The following ABTB2 variants were observed in gnomAD, a reference collection of about 807,000 sequenced individuals.
ABTB2 encodes ankyrin repeat and BTB/POZ domain-containing protein 2.
Under a neutral mutation model 104.1 loss-of-function variants are expected in ABTB2, and 56 were observed. That is an observed-to-expected ratio of 0.54 (90% CI 0.43 to 0.67). The LOEUF is 0.67. ABTB2 is among the 30% of genes least tolerant of loss of function. The pLI, the probability that ABTB2 is intolerant of heterozygous loss-of-function variation, is 0.00. For missense variants in ABTB2, 1,279 were observed against 1,407.7 expected (o/e 0.91, Z 1.46); for synonymous variants, 606 against 608.2 (o/e 1.00, Z 0.05).
rs371663376 is a variant in ABTB2, at chr11:34,160,037, T to C, written c.2504-29A>G. ...TGAAAAGCGGGGAGACAGAGGGATA[T>C]GGCTGAGGAGTCCCCTGCTGGGGTT... On this transcript the variant is annotated intron_variant, in intron 12 of 16. Coordinates refer to ENST00000435224, the MANE Select transcript of ABTB2 (RefSeq NM_145804.3). 352 of 1,575,020 alleles carry C rather than the reference T, an allele frequency of 2.2e-4. 2 individuals carry two copies. The African/African-American group carries it at 3.9e-3, about 17-fold the overall frequency.
chr11:34,185,186 C>T (rs1853081549), intron 3 of ABTB2, among the ~76,000 whole-genome samples: 1 of 152,198 alleles, frequency 6.6e-6, no homozygotes, highest in African/African-American at 2.4e-5. Flanking sequence ...TGAAGAGTTT[C>T]TAGAAACTTC....
At chr11:34,179,348 G>A (rs1326853138) in intron 3 of ABTB2, among the ~76,000 whole-genome samples, 1 of 152,162 alleles carries the variant, frequency 6.6e-6, no homozygotes, top group Non-Finnish European at 1.5e-5. Flanking sequence ...GTGGACTCCT[G>A]GCAAGAGTCC....
intron 2 of ABTB2, among the ~76,000 whole-genome samples, chr11:34,202,324 C>A (rs114079836): frequency 0.026 from 3,925 of 152,186 alleles, 166 homozygotes; most frequent in African/African-American, 0.089. Flanking sequence ...AGAGGGAAAG[C>A]CAGTGTGAAG....
intron 3 of ABTB2, among the ~76,000 whole-genome samples, chr11:34,173,693 C>G (rs1392028951): frequency 6.6e-6 from 1 of 152,118 alleles, no homozygotes; most frequent in Non-Finnish European, 1.5e-5. Context: ...AATTGGGGAC[C>G]TTTCCCCCTC....
rs67998044 is a variant in ABTB2 at position 34,232,449 on chromosome 11, C to CAAAAAAAA, written c.884-27767_884-27760dup. On this transcript the variant is annotated intron_variant, in intron 1 of 16. Coordinates refer to ENST00000435224, the MANE Select transcript of ABTB2 (RefSeq NM_145804.3). ...TGGGCAATAGAGGGAGACTCTGTCTCAAAAAAAAAAAAAAAAATTGTTCTT... is the reference window on the plus strand; with the variant it reads ...TGGGCAATAGAGGGAGACTCTGTCTCAAAAAAAAAAAAAAAAAAAAAAAAATTGTTCTT... 2.6e-3 allele frequency among the ~76,000 whole-genome samples: 296 copies of CAAAAAAAA among 115,278 alleles called. 6 individuals are homozygous for CAAAAAAAA. Among genetic ancestry groups the CAAAAAAAA allele is most frequent in the Middle Eastern group, 9.2e-3 (2 of 218 alleles). The allele number at this position is 115,278 out of a possible 152,430, so 75.6% of individuals were successfully genotyped here.
chr11:34,321,903 C>T (rs751277543), intron 1 of ABTB2, among the ~76,000 whole-genome samples: 5 of 152,300 alleles, frequency 3.3e-5, no homozygotes, highest in South Asian at 2.1e-4. Flanking sequence ...GGACTAGAAT[C>T]GTGACAGCCT....
intron 10 of ABTB2, among the ~76,000 whole-genome samples, chr11:34,162,174 G>A (rs576903603): frequency 3.9e-5 from 6 of 152,362 alleles, no homozygotes; most frequent in East Asian, 1.9e-4. Flanking sequence ...CCACAGACTC[G>A]CAGACCCAAG....
chr11:34,195,648 G>A (rs142734536), intron 3 of ABTB2, among the ~76,000 whole-genome samples: 449 of 152,302 alleles, frequency 2.9e-3, no homozygotes, highest in Admixed American at 5.6e-3. Flanking sequence ...CTGTGTCGTG[G>A]GGCCAGTTAG....
Position 34,255,789 on chromosome 11 carries a change from T to G in ABTB2, c.884-51099A>C, listed in dbSNP as rs528923912. 2.0e-4 allele frequency among the ~76,000 whole-genome samples: 31 copies of G among 152,322 alleles called. 1 individual carries two copies. Among genetic ancestry groups the G allele is most frequent in the African/African-American group, 6.0e-4 (25 of 41,574 alleles). On this transcript the variant is annotated intron_variant, in intron 1 of 16. Coordinates refer to ENST00000435224, the MANE Select transcript of ABTB2 (RefSeq NM_145804.3). ...GCCTCGGCCTCCCAAAGTGCTGGGATTACAGGCGTGAGCCACCAGGCCCGC... is the reference window on the plus strand; with the variant it reads ...GCCTCGGCCTCCCAAAGTGCTGGGAGTACAGGCGTGAGCCACCAGGCCCGC...
At chr11:34,204,788 T>A in intron 1 of ABTB2, 98 bp from the exon 2 acceptor site, 1 of 1,362,276 alleles carries the variant, frequency 7.3e-7, no homozygotes, top group Non-Finnish European at 9.9e-7. Context: ...GCTCCCCTGC[T>A]CTTGACAGAG....
In ABTB2 at chr11:34,344,868, C is replaced by A. The variant is rs1007886937; in HGVS notation, c.883+11833G>T. ...CCGCACTAGGATCTTTGGTGCAGTC[C>A]TGCTTCTTCCATACACAGCTTTCCC... On this transcript the variant is annotated intron_variant, in intron 1 of 16. Coordinates refer to ENST00000435224, the MANE Select transcript of ABTB2 (RefSeq NM_145804.3). Among the ~76,000 whole-genome samples the A allele has an allele frequency of 2.0e-5, 3 of 152,118 alleles. No homozygotes were observed. In the South Asian group the frequency reaches 6.2e-4, roughly 31 times the overall value.
chr11:34,263,973 A>G (rs1259504474), intron 1 of ABTB2, among the ~76,000 whole-genome samples: 2 of 152,196 alleles, frequency 1.3e-5, no homozygotes, highest in Admixed American at 6.5e-5. Flanking sequence ...GTTCTCCTTA[A>G]CATGCTGACG....
chr11:34,242,141 C>T (rs937595693), intron 1 of ABTB2, among the ~76,000 whole-genome samples: 1 of 152,222 alleles, frequency 6.6e-6, no homozygotes, highest in Non-Finnish European at 1.5e-5. Flanking sequence ...GAAGAGTGGG[C>T]TTTTGCCTTT....
intron 5 of ABTB2, among the ~76,000 whole-genome samples, chr11:34,170,697 C>T (rs936228568): frequency 6.6e-5 from 10 of 152,222 alleles, no homozygotes; most frequent in African/African-American, 2.4e-4. Context: ...GCGGAAGCCA[C>T]ATGACAAAGT....
At chr11:34,297,614 A>C (rs148542988) in intron 1 of ABTB2, among the ~76,000 whole-genome samples, 1,766 of 152,046 alleles carry the variant, frequency 0.012, 27 homozygotes, top group African/African-American at 0.039. Flanking sequence ...TAAAAATACA[A>C]AATTAGCTGG....
At position 34,217,430 on chromosome 11, in the gene ABTB2, G is replaced by A. The variant is rs182642818; in HGVS notation, c.884-12740C>T. ...CTTAATAAACCTGCTATAAATAACTGTGCACAGGTTTTTGTGTAGATATAA... is the reference window on the plus strand; with the variant it reads ...CTTAATAAACCTGCTATAAATAACTATGCACAGGTTTTTGTGTAGATATAA... On this transcript the variant is annotated intron_variant, in intron 1 of 16. Coordinates refer to ENST00000435224, the MANE Select transcript of ABTB2 (RefSeq NM_145804.3). 4.7e-4 allele frequency among the ~76,000 whole-genome samples: 72 copies of A among 152,200 alleles called. 2 individuals are homozygous for A. In the East Asian group the frequency reaches 9.9e-3, roughly 21 times the overall value.
chr11:34,332,832 A>T (rs1175203480), intron 1 of ABTB2, among the ~76,000 whole-genome samples: 1 of 151,834 alleles, frequency 6.6e-6, no homozygotes, highest in Non-Finnish European at 1.5e-5. Flanking sequence ...AAAAAAAAAA[A>T]TCCTGAAAGC....
chr11:34,162,819 GATGA>G lies in ABTB2; in HGVS notation c.1989-18_1989-15del. The stretch of plus-strand genomic sequence containing the variant: ...CTCAGGACGTTCCTGCAGGCCCAGG[GATGA>G]ATGAAGGTGAGGGCTGAAGTCCCAC... On this transcript the variant is annotated splice_polypyrimidine_tract_variant and intron_variant, in intron 9 of 16. Transcript: ENST00000435224. 1 of 1,590,608 alleles carries G rather than the reference GATGA, an allele frequency of 6.3e-7. No homozygotes were observed. The highest frequency in any genetic ancestry group is 8.5e-7 in the Non-Finnish European group (1 of 1,174,834).
chr11:34,312,521 G>A (rs1276778213), intron 1 of ABTB2, among the ~76,000 whole-genome samples: 1 of 152,184 alleles, frequency 6.6e-6, no homozygotes, highest in Non-Finnish European at 1.5e-5. Context: ...CCAGTTTCTG[G>A]CTTTTGTGCC....
Sources: gnomAD v4.1 joint callset for allele counts (sites outside exome capture counted in the v4.1 genomes callset) on GRCh38, gnomAD v4.1.1 for gene constraint, MANE v1.5 for transcripts, NCBI Gene and HGNC (gene_info 2026-07-23, HGNC 2026-07-21) for gene names.